Variants in TRMT11 observed in about 807,000 individuals in gnomAD.
TRMT11 encodes the protein tRNA methyltransferase 11, also known as tRNA (guanine(10)-N(2))-methyltransferase TRMT11.
TRMT11 carries 53 observed loss-of-function variants against 62.8 expected under a neutral mutation model. The ratio of observed to expected loss-of-function variants is 0.84; its 90% confidence interval spans 0.68 to 1.06. TRMT11 has a LOEUF of 1.06. TRMT11 is among the 50% of genes least tolerant of loss of function. TRMT11 has a pLI of 0.00. For synonymous variants in TRMT11, 188 were observed against 190.3 expected, an observed-to-expected ratio of 0.99 and a Z score of 0.10; for missense variants, 556 against 553.4, an observed-to-expected ratio of 1.00 and a Z score of -0.05.
chr6:126,149,976 G>A (rs1372258813), intron 21 of TRMT11, among the ~76,000 whole-genome samples: 3 of 152,288 alleles, frequency 2.0e-5, no homozygotes, highest in East Asian at 3.9e-4. Context: ...TACTTCCCAA[G>A]TGATATGACT....
chr6:126,089,185 C>A, intron 17 of TRMT11, among the ~76,000 whole-genome samples: 1 of 151,552 alleles, frequency 6.6e-6, no homozygotes, highest in Non-Finnish European at 1.5e-5. Flanking sequence ...GCGATCTTGG[C>A]TCACTGCAAC....
At chr6:126,136,076 T>C (rs914509746) in intron 21 of TRMT11, among the ~76,000 whole-genome samples, 1 of 151,660 alleles carries the variant, frequency 6.6e-6, no homozygotes, top group African/African-American at 2.4e-5. Context: ...AGATCTGTAA[T>C]AAGATAAGGA....
the TRMT11 span, among the ~76,000 whole-genome samples, chr6:126,265,249 G>A: frequency 6.6e-6 from 1 of 152,204 alleles, no homozygotes; most frequent in African/African-American, 2.4e-5. Context: ...GTAATCTTGT[G>A]AAGACAGATT....
At chr6:126,190,382 AG>A (rs1278159644) in intron 1 of TRMT11, among the ~76,000 whole-genome samples, 1 of 152,154 alleles carries the variant, frequency 6.6e-6, no homozygotes, top group Admixed American at 6.6e-5. Context: ...ATGGTTTTAA[AG>A]AGGGGCACTT....
chr6:126,125,853 T>TA (rs144959600), intron 21 of TRMT11, among the ~76,000 whole-genome samples: 41,429 of 151,804 alleles, frequency 0.27, 6,059 homozygotes, highest in Middle Eastern at 0.43. Context: ...GATGAAATGT[T>TA]AAAAAAAATT....
intron 7 of TRMT11, among the ~76,000 whole-genome samples, chr6:126,000,153 G>T (rs1207528181): frequency 3.3e-5 from 5 of 152,110 alleles, no homozygotes; most frequent in Non-Finnish European, 5.9e-5. Context: ...GGTCACTGTG[G>T]CAGTGACCTT....
At chr6:126,243,440 T>C in the TRMT11 span, among the ~76,000 whole-genome samples, 1 of 152,186 alleles carries the variant, frequency 6.6e-6, no homozygotes, top group African/African-American at 2.4e-5. Flanking sequence ...ACTGGGTATA[T>C]ACCCAAAGGA....
At chr6:126,132,620 T>G (rs1777798503) in intron 21 of TRMT11, among the ~76,000 whole-genome samples, 1 of 151,976 alleles carries the variant, frequency 6.6e-6, no homozygotes, top group Non-Finnish European at 1.5e-5. Context: ...TTTTGAAGAG[T>G]GATGACCAAT....
chr6:126,223,345 C>T, the TRMT11 span, among the ~76,000 whole-genome samples: 6 of 151,950 alleles, frequency 3.9e-5, no homozygotes, highest in Non-Finnish European at 7.4e-5. Context: ...GACATGAACC[C>T]GGGAGGTGGA....
chr6:126,119,258 T>G (rs1271984829), intron 21 of TRMT11, among the ~76,000 whole-genome samples: 1 of 152,110 alleles, frequency 6.6e-6, no homozygotes, highest in Non-Finnish European at 1.5e-5. Flanking sequence ...CCAATTTTCC[T>G]TAAAAGTTCA....
At chr6:126,044,065 C>T (rs1268649349), downstream of TRMT11, among the ~76,000 whole-genome samples, 1 of 151,498 alleles carries the variant, frequency 6.6e-6, no homozygotes, top group Non-Finnish European at 1.5e-5. Flanking sequence ...TTAATTAGAT[C>T]CCATTTGTCA....
chr6:126,040,402 G>A (rs1412627381), downstream of TRMT11, among the ~76,000 whole-genome samples: 1 of 152,092 alleles, frequency 6.6e-6, no homozygotes, highest in South Asian at 2.1e-4. Flanking sequence ...TAGGCTCAGA[G>A]TATAATTTGT....
At chr6:126,027,854 A>G (rs895803714) in intron 12 of TRMT11, among the ~76,000 whole-genome samples, 6 of 152,242 alleles carry the variant, frequency 3.9e-5, no homozygotes, top group Non-Finnish European at 8.8e-5. Context: ...GCTATGAAGT[A>G]CAAAAGAACC....
the TRMT11 span, among the ~76,000 whole-genome samples, chr6:126,221,489 T>A: frequency 6.6e-6 from 1 of 152,224 alleles, no homozygotes; most frequent in Non-Finnish European, 1.5e-5. Flanking sequence ...AGATTTTGAT[T>A]TGTATGGACC....
At chr6:126,023,321 G>A (rs1164868741) in intron 12 of TRMT11, among the ~76,000 whole-genome samples, 4 of 152,090 alleles carry the variant, frequency 2.6e-5, no homozygotes, top group Non-Finnish European at 5.9e-5. Context: ...TTCAAACCCC[G>A]TTGATTAACC....
chr6:126,106,748 A>T (rs905643940), intron 17 of TRMT11, among the ~76,000 whole-genome samples: 1 of 152,162 alleles, frequency 6.6e-6, no homozygotes, highest in Non-Finnish European at 1.5e-5. Context: ...AGCTATCCAT[A>T]TAAAGAGCTT....
chr6:126,127,510 G>GT (rs1178736389), intron 21 of TRMT11, among the ~76,000 whole-genome samples: 2 of 151,368 alleles, frequency 1.3e-5, no homozygotes, highest in Non-Finnish European at 2.9e-5. Context: ...TATACTTTAA[G>GT]TTTTTTATTA....
chr6:125,996,575 CT>C (rs1002779056), intron 3 of TRMT11, among the ~76,000 whole-genome samples: 12 of 151,516 alleles, frequency 7.9e-5, no homozygotes, highest in African/African-American at 2.7e-4. Flanking sequence ...TTGGCATCCA[CT>C]TTTTTTTTCT....
At chr6:126,243,845 A>T in the TRMT11 span, among the ~76,000 whole-genome samples, 1 of 152,298 alleles carries the variant, frequency 6.6e-6, no homozygotes, top group Admixed American at 6.5e-5. Flanking sequence ...TGACGAGTTC[A>T]TGGGTGGAGC....
Sources: gnomAD v4.1 joint callset for allele counts (sites outside exome capture counted in the v4.1 genomes callset) on GRCh38, gnomAD v4.1.1 for gene constraint, MANE v1.5 for transcripts, NCBI Gene and HGNC (gene_info 2026-07-23, HGNC 2026-07-21) for gene names.